The following TMEM170B variants were observed in gnomAD, a reference collection of about 807,000 sequenced individuals.
TMEM170B encodes the protein transmembrane protein 170B.
A neutral mutation model predicts 13.0 loss-of-function variants in TMEM170B; 6 were observed. The observed-to-expected ratio is 0.46, with a 90% CI of 0.25 to 0.91. TMEM170B has a LOEUF of 0.91. Among genes scored for constraint, TMEM170B ranks in the 40% least tolerant of loss-of-function variants. The pLI is 0.17. For missense variants in TMEM170B, 138 were observed against 165.2 expected (o/e 0.84, Z 0.90); for synonymous variants, 61 against 64.9 (o/e 0.94, Z 0.29).
Position 11,578,234 on chromosome 6 carries a change from G to C in TMEM170B, c.*2673G>C, listed in dbSNP as rs568163553. On this transcript the variant is annotated 3_prime_UTR_variant, in exon 3 of 3. Coordinates refer to ENST00000379426, the MANE Select transcript of TMEM170B (RefSeq NM_001100829.3). Reference sequence around the variant, plus strand: ...TAATAGAGCTGGAGACCCTTGTTTGGGACATGACAAAAGTCCTTATTGATG... The same window carrying C: ...TAATAGAGCTGGAGACCCTTGTTTGCGACATGACAAAAGTCCTTATTGATG... The C allele has an allele frequency of 6.6e-6, 1 of 152,052 alleles. No individual in the cohort carries two copies. Among genetic ancestry groups the C allele is most frequent in the South Asian group, 2.1e-4 (1 of 4,818 alleles). 9.4% of individuals were successfully genotyped at this position (152,052 alleles called of 1,614,324 possible).
intron 1 of TMEM170B, among the ~76,000 whole-genome samples, chr6:11,539,157 A>G (rs1759325688): frequency 1.3e-5 from 2 of 152,218 alleles, no homozygotes; most frequent in Admixed American, 1.3e-4. Context: ...TGCTTTGTGA[A>G]GAAACTTCTG....
rs1034736311 is a variant in TMEM170B, at chr6:11,574,232, T to C, written c.269-1199T>C. ...AATATGATAATATTTGTAAAGTTCCTGCAAAATACATAGTATATGGTAAGT... is the reference window on the plus strand; with the variant it reads ...AATATGATAATATTTGTAAAGTTCCCGCAAAATACATAGTATATGGTAAGT... On this transcript the variant is annotated intron_variant, in intron 2 of 2. Transcript: ENST00000379426. 2.0e-5 allele frequency among the ~76,000 whole-genome samples: 3 copies of C among 152,170 alleles called. No homozygotes were observed. The South Asian group carries it at 6.2e-4, about 31-fold the overall frequency.
rs1487599592 is a variant in TMEM170B at position 11,565,669 on chromosome 6, T to C, written c.101T>C (p.Met34Thr). The C allele has an allele frequency of 6.2e-7, 1 of 1,613,884 alleles. No homozygotes were observed. The highest frequency in any genetic ancestry group is 8.5e-7 in the Non-Finnish European group (1 of 1,179,912). Reference sequence around the variant, plus strand: ...AATACTTTGCTTTTCCTTTCAGAGATGTGGTACTGGATCTTCCTCTGGGCT... The same window carrying C: ...AATACTTTGCTTTTCCTTTCAGAGACGTGGTACTGGATCTTCCTCTGGGCT... ...HGTVLRNLTE[M>T]WYWIFLWALF... is the part of the protein sequence containing the mutation. The change falls in exon 2 of 3, where the codon ATG (methionine) becomes ACG (threonine). Residue 34 changes from methionine (M) to threonine (T), a missense_variant. By Grantham distance (81) the Met-to-Thr change is moderately conservative. Transcript: ENST00000379426.
At chr6:11,548,987 TG>T (rs1759479973) in intron 1 of TMEM170B, among the ~76,000 whole-genome samples, 1 of 152,148 alleles carries the variant, frequency 6.6e-6, no homozygotes, top group African/African-American at 2.4e-5. Flanking sequence ...GACGAGTTAA[TG>T]GGTGCAGCAT....
intron 1 of TMEM170B, among the ~76,000 whole-genome samples, chr6:11,565,230 A>C (rs1759718660): frequency 6.6e-6 from 1 of 152,268 alleles, no homozygotes; most frequent in South Asian, 2.1e-4. Context: ...AAAGGTAAAA[A>C]TCATTGACTG....
At chr6:11,562,835 A>G (rs1759686694) in intron 1 of TMEM170B, among the ~76,000 whole-genome samples, 1 of 152,138 alleles carries the variant, frequency 6.6e-6, no homozygotes, top group African/African-American at 2.4e-5. Flanking sequence ...TATATCCACC[A>G]CTATAGTCAA....
At chr6:11,543,996 C>T (rs995155982) in intron 1 of TMEM170B, among the ~76,000 whole-genome samples, 1 of 152,148 alleles carries the variant, frequency 6.6e-6, no homozygotes, top group African/African-American at 2.4e-5. Flanking sequence ...TAACATTTTA[C>T]AGCCAGAACG....
At position 11,544,379 on chromosome 6, in the gene TMEM170B, A is replaced by G. The variant is rs1426289993; in HGVS notation, c.97+6005A>G. Among the ~76,000 whole-genome samples the G allele has an allele frequency of 1.1e-4, 17 of 152,222 alleles. 1 individual carries two copies. Among genetic ancestry groups the G allele is most frequent in the Non-Finnish European group, 2.5e-4 (17 of 68,032 alleles). Reference sequence around the variant, plus strand: ...GAAGTCTGAAATCCTTCTGGTCTCAAGCATTTCAGATAAGGGATATTCAAC... The same window carrying G: ...GAAGTCTGAAATCCTTCTGGTCTCAGGCATTTCAGATAAGGGATATTCAAC... On this transcript the variant is annotated intron_variant, in intron 1 of 2. Coordinates refer to ENST00000379426, the MANE Select transcript of TMEM170B (RefSeq NM_001100829.3).
intron 1 of TMEM170B, among the ~76,000 whole-genome samples, chr6:11,557,681 G>A (rs576485341): frequency 1.3e-5 from 2 of 152,174 alleles, no homozygotes; most frequent in Admixed American, 6.5e-5. Flanking sequence ...TGGACTAAAC[G>A]TACTTTTTTA....
chr6:11,549,509 A>G (rs967690266), intron 1 of TMEM170B, among the ~76,000 whole-genome samples: 1 of 150,946 alleles, frequency 6.6e-6, no homozygotes, highest in African/African-American at 2.4e-5. Context: ...TAAAAATACA[A>G]AAAGTTAGCC....
chr6:11,549,185 C>T (rs975970453), intron 1 of TMEM170B, among the ~76,000 whole-genome samples: 1 of 152,104 alleles, frequency 6.6e-6, no homozygotes, highest in African/African-American at 2.4e-5. Flanking sequence ...TTTATTGAAA[C>T]CTCACTGTGT....
chr6:11,566,262 G>A (rs1052268288), intron 2 of TMEM170B, among the ~76,000 whole-genome samples: 1 of 152,152 alleles, frequency 6.6e-6, no homozygotes, highest in Non-Finnish European at 1.5e-5. Context: ...AAATAAAATT[G>A]CACTTTCTTC....
At chr6:11,562,782 C>G (rs1759685327) in intron 1 of TMEM170B, among the ~76,000 whole-genome samples, 2 of 152,126 alleles carry the variant, frequency 1.3e-5, no homozygotes, top group Admixed American at 1.3e-4. Context: ...TTGTACTCTT[C>G]TCTATTGTGT....
chr6:11,575,457 G>A lies in TMEM170B; in HGVS notation c.295G>A (p.Val99Ile). 1 of 1,613,496 alleles carries A rather than the reference G, an allele frequency of 6.2e-7. No individual in the cohort carries two copies. Among genetic ancestry groups the A allele is most frequent in the Non-Finnish European group, 8.5e-7 (1 of 1,179,586 alleles). The stretch of plus-strand genomic sequence containing the variant: ...TGCAGCAGTAGCGGGCATTTACAGA[G>A]TAGCTGGGAAGAACATGGCCCCTTT... Reference protein sequence around the residue: ...TSAAVAGIYRVAGKNMAPLEA... With the variant: ...TSAAVAGIYRIAGKNMAPLEA... Residue 99 changes from valine to isoleucine, a missense_variant, in exon 3 of 3, where the codon GTA becomes ATA. Transcript: ENST00000379426. This position sits in a 1 kb window ranked among gnomAD's most constrained non-coding sequence, Gnocchi z 4.1.
Position 11,582,817 on chromosome 6 carries a change from G to A in TMEM170B, c.*7256G>A, listed in dbSNP as rs530207260. The stretch of plus-strand genomic sequence containing the variant: ...CAAAAACAAAGGCATATTTGATGAA[G>A]TACCCTGTGTTATGTGAACACAATT... On this transcript the variant is annotated 3_prime_UTR_variant, in exon 3 of 3. Transcript: ENST00000379426. The A allele has an allele frequency of 2.0e-5, 3 of 152,246 alleles. No individual in the cohort carries two copies. The South Asian group carries it at 6.2e-4, about 32-fold the overall frequency. The allele number at this position is 152,246 out of a possible 1,614,324, so 9.4% of individuals were successfully genotyped here.
chr6:11,541,248 G>C (rs756124265), intron 1 of TMEM170B, among the ~76,000 whole-genome samples: 3 of 152,176 alleles, frequency 2.0e-5, no homozygotes, highest in African/African-American at 7.2e-5. Context: ...GTCCTAAATG[G>C]CATCTTCTTC....
In TMEM170B at chr6:11,581,326, T is replaced by G. The variant is rs1300173325; in HGVS notation, c.*5765T>G. The G allele has an allele frequency of 2.0e-5, 3 of 152,222 alleles. No homozygotes were observed. Among genetic ancestry groups the G allele is most frequent in the Non-Finnish European group, 2.9e-5 (2 of 68,028 alleles). The allele number at this position is 152,222 out of a possible 1,614,324, so 9.4% of individuals were successfully genotyped here. ...TAGTTTAAACATATGTACAATTTGT[T>G]GATAGAATCCAAGGAGCTGGTTTAG... On this transcript the variant is annotated 3_prime_UTR_variant, in exon 3 of 3. Coordinates refer to ENST00000379426, the MANE Select transcript of TMEM170B (RefSeq NM_001100829.3).
rs572171368 is a variant in TMEM170B at position 11,552,167 on chromosome 6, C to T, written c.98-13499C>T. Among the ~76,000 whole-genome samples the T allele has an allele frequency of 9.9e-5, 15 of 152,132 alleles. No homozygotes were observed. In the South Asian group the frequency reaches 1.7e-3, roughly 17 times the overall value. ...TGAGAGCTTAGTGGTTGGGAACACC[C>T]GATTTTTTTAAAATTATTTTTTGTG... On this transcript the variant is annotated intron_variant, in intron 1 of 2. Coordinates refer to ENST00000379426, the MANE Select transcript of TMEM170B (RefSeq NM_001100829.3).
At chr6:11,557,795 CA>C (rs1421624371) in intron 1 of TMEM170B, among the ~76,000 whole-genome samples, 1 of 152,208 alleles carries the variant, frequency 6.6e-6, no homozygotes, top group Non-Finnish European at 1.5e-5. Flanking sequence ...AGGCCATCCG[CA>C]AGTTCTCCTA....
Sources: allele counts gnomAD v4.1 joint callset (sites outside exome capture counted in the v4.1 genomes callset), GRCh38; gene constraint gnomAD v4.1.1; non-coding constraint Gnocchi (gnomAD v3.1); transcripts MANE v1.5; gene names NCBI Gene and HGNC (gene_info 2026-07-23, HGNC 2026-07-21).